The following GLYATL2 variants were observed in gnomAD, a reference collection of about 807,000 sequenced individuals.
GLYATL2 encodes the protein glycine-N-acyltransferase like 2.
In GLYATL2, 25 loss-of-function variants were observed where a neutral mutation model predicts 21.4. The observed-to-expected ratio is 1.17, with a 90% confidence interval of 0.85 to 1.63. The LOEUF (loss-of-function observed/expected upper bound fraction) is 1.63. Ranked by LOEUF, GLYATL2 falls within the 40% of genes most tolerant of loss-of-function variation. The pLI is 0.00. For synonymous variants in GLYATL2, 114 were observed against 118.2 expected, an observed-to-expected ratio of 0.96 and a Z score of 0.23; for missense variants, 361 against 343.3, an observed-to-expected ratio of 1.05 and a Z score of -0.41.
intron 1 of GLYATL2, among the ~76,000 whole-genome samples, chr11:58,897,155 A>G (rs1257714753): frequency 3.9e-5 from 6 of 152,214 alleles, no homozygotes; most frequent in African/African-American, 1.4e-4. Context: ...CTAAAATTCC[A>G]CAGATTTCAA....
In GLYATL2 at chr11:58,864,717, A is replaced by G. The variant is rs1853993819; in HGVS notation, n.61-26349T>C. Among the ~76,000 whole-genome samples the G allele has an allele frequency of 1.3e-5, 2 of 149,066 alleles. 1 individual carries two copies. Among genetic ancestry groups the G allele is most frequent in the Non-Finnish European group, 3.0e-5 (2 of 67,196 alleles). ...CTACACGAAGATTCTGTTATCTTTC[A>G]CCTGGTATCCTTAGTTCTTGTTAAG... On this transcript the variant is annotated intron_variant and non_coding_transcript_variant, in intron 1 of 4. Transcript: ENST00000533636.
chr11:58,898,572 CGCCTG>C, intron 1 of GLYATL2, among the ~76,000 whole-genome samples: 1 of 151,848 alleles, frequency 6.6e-6, no homozygotes, highest in South Asian at 2.1e-4. Context: ...CAGTGACTGA[CGCCTG>C]TAATCCCAGC....
intron 1 of GLYATL2, among the ~76,000 whole-genome samples, chr11:58,887,514 C>T (rs762679804): frequency 1.3e-5 from 2 of 152,122 alleles, no homozygotes; most frequent in African/African-American, 2.4e-5. Flanking sequence ...CTTCTCTCCT[C>T]CCCCTCCTCT....
intron 1 of GLYATL2, among the ~76,000 whole-genome samples, chr11:58,863,925 T>C (rs976926889): frequency 1.3e-5 from 2 of 151,872 alleles, no homozygotes; most frequent in African/African-American, 4.8e-5. Context: ...CCCTGGAGAG[T>C]AGGGTGGCAG....
At chr11:58,874,947 G>A (rs1202257943) in intron 1 of GLYATL2, among the ~76,000 whole-genome samples, 5 of 152,122 alleles carry the variant, frequency 3.3e-5, no homozygotes, top group African/African-American at 9.7e-5. Flanking sequence ...GGTCACTAAG[G>A]ACTTGCTTTA....
At chr11:58,883,050 A>T (rs1201222977) in intron 1 of GLYATL2, among the ~76,000 whole-genome samples, 1 of 152,122 alleles carries the variant, frequency 6.6e-6, no homozygotes, top group Non-Finnish European at 1.5e-5. Flanking sequence ...TTCTTTTTTG[A>T]TTGCATATGA....
At chr11:58,848,522 A>G (rs933494645), upstream of GLYATL2, among the ~76,000 whole-genome samples, 1 of 152,240 alleles carries the variant, frequency 6.6e-6, no homozygotes, top group African/African-American at 2.4e-5. Context: ...GTTAAAAAGA[A>G]TCAGAAATTC....
intron 1 of GLYATL2, among the ~76,000 whole-genome samples, chr11:58,875,657 C>T (rs1241866330): frequency 6.6e-6 from 1 of 152,212 alleles, no homozygotes; most frequent in Non-Finnish European, 1.5e-5. Context: ...GCCAAGAGAT[C>T]AGCTGTTAGT....
chr11:58,881,363 A>T (rs184245699), intron 1 of GLYATL2, among the ~76,000 whole-genome samples: 1 of 152,314 alleles, frequency 6.6e-6, no homozygotes, highest in East Asian at 1.9e-4. Flanking sequence ...ACCTTCTCCA[A>T]GTTATTGTTA....
At chr11:58,905,619 A>T (rs972491262), upstream of GLYATL2, 3 of 456,162 alleles carry the variant, frequency 6.6e-6, no homozygotes, top group Non-Finnish European at 1.3e-5. Flanking sequence ...GGGGACGCCG[A>T]TGAGCAGGAA....
chr11:58,869,827 A>G (rs1854086306), intron 1 of GLYATL2, among the ~76,000 whole-genome samples: 1 of 152,180 alleles, frequency 6.6e-6, no homozygotes, highest in Admixed American at 6.6e-5. Flanking sequence ...TGGGTTTTAT[A>G]TTTGTCTCTG....
intron 1 of GLYATL2, among the ~76,000 whole-genome samples, chr11:58,857,888 C>CAAAAAAAAA (rs545952478): frequency 9.2e-6 from 1 of 108,466 alleles, no homozygotes; most frequent in Non-Finnish European, 1.8e-5. Context: ...TTTTCCCCTC[C>CAAAAAAAAA]AAAAAAAAAA....
intron 1 of GLYATL2, among the ~76,000 whole-genome samples, chr11:58,899,988 C>T (rs1203877587): frequency 6.6e-6 from 1 of 151,122 alleles, no homozygotes; most frequent in Non-Finnish European, 1.5e-5. Flanking sequence ...TTGTGTGGAA[C>T]AAAATAGGTA....
chr11:58,876,407 C>T (rs1279528471), intron 1 of GLYATL2, among the ~76,000 whole-genome samples: 1 of 152,120 alleles, frequency 6.6e-6, no homozygotes, highest in Admixed American at 6.5e-5. Context: ...TGTTTTTCCC[C>T]ATCTTTGTGA....
intron 1 of GLYATL2, chr11:58,878,391 C>A (rs1854276032): frequency 3.2e-6 from 2 of 625,260 alleles, no homozygotes; most frequent in South Asian, 1.0e-4. Flanking sequence ...GGTAAGCTCC[C>A]TCTCGCATTT....
chr11:58,907,439 T>C, upstream of GLYATL2: 1 of 452,160 alleles, frequency 2.2e-6, no homozygotes, highest in Non-Finnish European at 4.5e-6. Context: ...TGATGTCTAG[T>C]TCCTTGCAAA....
chr11:58,850,002 C>T (rs1055969071), intron 1 of GLYATL2, among the ~76,000 whole-genome samples: 17 of 152,222 alleles, frequency 1.1e-4, no homozygotes, highest in South Asian at 8.3e-4. Context: ...GGGAATACTT[C>T]CAAACTCATT....
chr11:58,843,793 A>C (rs571255331), intron 1 of GLYATL2, among the ~76,000 whole-genome samples: 1 of 152,186 alleles, frequency 6.6e-6, no homozygotes, highest in African/African-American at 2.4e-5. Context: ...TGTCAGAGGC[A>C]CTCAGAGGTA....
intron 1 of GLYATL2, among the ~76,000 whole-genome samples, chr11:58,865,688 G>A (rs1193456623): frequency 6.9e-6 from 1 of 144,452 alleles, no homozygotes; most frequent in African/African-American, 2.5e-5. Context: ...CAGAAAGTTA[G>A]GCAGGTGCTC....
Sources: gnomAD v4.1 joint callset for allele counts (sites outside exome capture counted in the v4.1 genomes callset) on GRCh38, gnomAD v4.1.1 for gene constraint, MANE v1.5 for transcripts, NCBI Gene and HGNC (gene_info 2026-07-23, HGNC 2026-07-21) for gene names.